The following ERCC6 variants were observed in gnomAD, a reference collection of about 807,000 sequenced individuals.
The protein encoded by ERCC6 is DNA excision repair protein ERCC-6.
In ERCC6, 116 loss-of-function variants were observed where a neutral mutation model predicts 158.7. The ratio of observed to expected loss-of-function variants is 0.73; its 90% CI spans 0.63 to 0.85. The LOEUF is 0.85. Ranked by LOEUF, ERCC6 falls within the 40% of genes least tolerant of loss-of-function variation. ERCC6 has a pLI of 0.00. For missense variants in ERCC6, 1,698 were observed against 1,799.4 expected, an observed-to-expected ratio of 0.94 and a Z score of 1.02; for synonymous variants, 678 against 659.3, an observed-to-expected ratio of 1.03 and a Z score of -0.43.
At chr10:49,477,854 C>T (rs1008386500) in intron 11 of ERCC6, among the ~76,000 whole-genome samples, 3 of 152,162 alleles carry the variant, frequency 2.0e-5, no homozygotes, top group African/African-American at 7.2e-5. Context: ...TCTGACCAAC[C>T]CTTACAAATG....
At chr10:49,511,586 G>A (rs939012147) in intron 5 of ERCC6, among the ~76,000 whole-genome samples, 2 of 152,026 alleles carry the variant, frequency 1.3e-5, no homozygotes, top group African/African-American at 2.4e-5. Flanking sequence ...CACCATGTCC[G>A]GCTAAGTTTT....
At chr10:49,454,136 A>AT (rs71026250), downstream of ERCC6, among the ~76,000 whole-genome samples, 66,971 of 151,340 alleles carry the variant, frequency 0.44, 15,788 homozygotes, top group Non-Finnish European at 0.53. Context: ...CTCATTTTTC[A>AT]TTTTTTTTCT....
At chr10:49,533,041 T>C in intron 1 of ERCC6, 63 bp from the exon 2 acceptor site, 1 of 1,543,568 alleles carries the variant, frequency 6.5e-7, no homozygotes, top group Non-Finnish European at 8.8e-7. Flanking sequence ...TCTTAAATAT[T>C]TTATAATTAG....
chr10:49,483,057 A>G (rs1008268384), intron 9 of ERCC6, among the ~76,000 whole-genome samples, 194 bp from the exon 10 acceptor site: 24 of 152,216 alleles, frequency 1.6e-4, no homozygotes, highest in African/African-American at 5.8e-4. Context: ...ATGAGAAAGA[A>G]TTTTTTCTTA....
chr10:49,475,971 C>T (rs948964120), intron 12 of ERCC6, among the ~76,000 whole-genome samples: 3 of 152,200 alleles, frequency 2.0e-5, no homozygotes, highest in Non-Finnish European at 4.4e-5. Flanking sequence ...GCTGCATTTG[C>T]GTCTGGGTTC....
In ERCC6 at chr10:49,467,726, C is replaced by G. The variant is rs187758327; in HGVS notation, c.3778+2456G>C. Among the ~76,000 whole-genome samples the G allele has an allele frequency of 5.7e-3, 868 of 151,900 alleles. 7 individuals are homozygous for G. The highest frequency in any genetic ancestry group is 0.02 in the East Asian group (103 of 5,158). On this transcript the variant is annotated intron_variant, in intron 18 of 20. Transcript: ENST00000355832. ...GACCACAGGTGTATGCTACCACACC[C>G]GGCTATTTTTTTTTTTATTTTTTGT...
intron 18 of ERCC6, among the ~76,000 whole-genome samples, chr10:49,463,863 C>A (rs1044398516): frequency 1.3e-5 from 2 of 152,202 alleles, no homozygotes; most frequent in Non-Finnish European, 2.9e-5. Flanking sequence ...TCCACAGCCA[C>A]ACAGAACTGT....
intron 5 of ERCC6, among the ~76,000 whole-genome samples, chr10:49,521,145 C>G (rs1837147975): frequency 6.6e-6 from 1 of 152,210 alleles, no homozygotes; most frequent in Admixed American, 6.5e-5. Context: ...TGCAGACATG[C>G]ATTGTTGACA....
At chr10:49,513,903 G>T (rs775886925) in intron 5 of ERCC6, among the ~76,000 whole-genome samples, 1 of 151,832 alleles carries the variant, frequency 6.6e-6, no homozygotes, top group Non-Finnish European at 1.5e-5. Context: ...AAAGGAAGCT[G>T]TCCAAGATTA....
At chr10:49,494,051 T>C (rs1030612853) in intron 7 of ERCC6, among the ~76,000 whole-genome samples, 2 of 152,214 alleles carry the variant, frequency 1.3e-5, no homozygotes, top group African/African-American at 4.8e-5. Context: ...GAGCATTCTT[T>C]ATACTGCAGA....
rs909054157 is a variant in ERCC6, at chr10:49,458,208, T to G, written c.*607A>C. On this transcript the variant is annotated 3_prime_UTR_variant, in exon 21 of 21. Transcript: ENST00000355832. The stretch of plus-strand genomic sequence containing the variant: ...CACAAATACATGTCTTATCATTTAT[T>G]ACCATACTATTTCATGCTTTACTAA... 2 of 153,906 alleles carry G rather than the reference T, an allele frequency of 1.3e-5. No homozygotes were observed. Among genetic ancestry groups the G allele is most frequent in the African/African-American group, 4.8e-5 (2 of 41,450 alleles). The allele number at this position is 153,906 out of a possible 1,614,324, so 9.5% of individuals were successfully genotyped here.
chr10:49,529,211 T>C (rs772397742), intron 3 of ERCC6, among the ~76,000 whole-genome samples: 1 of 152,230 alleles, frequency 6.6e-6, no homozygotes, highest in Non-Finnish European at 1.5e-5. Context: ...AGGTCAAGAA[T>C]GTTTCAACTT....
chr10:49,527,488 A>T (rs181281177), intron 4 of ERCC6, among the ~76,000 whole-genome samples: 468 of 152,296 alleles, frequency 3.1e-3, no homozygotes, highest in Non-Finnish European at 5.8e-3. Flanking sequence ...CAGCTTGGCT[A>T]ACATGGTGAA....
At chr10:49,495,141 C>T (rs576468810) in intron 7 of ERCC6, among the ~76,000 whole-genome samples, 138 of 152,238 alleles carry the variant, frequency 9.1e-4, no homozygotes, top group Middle Eastern at 3.4e-3. Context: ...TCTCCACAAG[C>T]GGCACTCCCA....
At chr10:49,453,074 T>C (rs1850438764), downstream of ERCC6, among the ~76,000 whole-genome samples, 1 of 152,172 alleles carries the variant, frequency 6.6e-6, no homozygotes, top group Non-Finnish European at 1.5e-5. Flanking sequence ...TGAATACACA[T>C]TACTTTTTGT....
intron 1 of ERCC6, among the ~76,000 whole-genome samples, chr10:49,533,680 A>G (rs1837526105): frequency 6.6e-6 from 1 of 152,122 alleles, no homozygotes; most frequent in Non-Finnish European, 1.5e-5. Context: ...ATGTGCACCT[A>G]TAGTCCCAGT....
chr10:49,474,374 G>A, intron 12 of ERCC6, 132 bp from the exon 13 acceptor site: 2 of 712,244 alleles, frequency 2.8e-6, no homozygotes, highest in Non-Finnish European at 5.0e-6. Context: ...TTCTTCTCTA[G>A]TCACAGCATT....
chr10:49,445,969 C>T, the ERCC6 span, among the ~76,000 whole-genome samples: 1 of 152,128 alleles, frequency 6.6e-6, no homozygotes, highest in Non-Finnish European at 1.5e-5. Context: ...GCTGTTTGAG[C>T]TGGATTCTTA....
intron 15 of ERCC6, 198 bp from the exon 16 acceptor site, chr10:49,472,668 T>C: frequency 1.4e-6 from 1 of 732,138 alleles, no homozygotes; most frequent in Non-Finnish European, 2.3e-6. Context: ...AAAATGTTTG[T>C]AACTTTGCCT....
Sources: gnomAD v4.1 joint callset for allele counts (sites outside exome capture counted in the v4.1 genomes callset) on GRCh38, gnomAD v4.1.1 for gene constraint, MANE v1.5 for transcripts, NCBI Gene and HGNC (gene_info 2026-07-23, HGNC 2026-07-21) for gene names.